VANGL1: variants seen among roughly 807,000 people sequenced by gnomAD.
VANGL1 encodes the protein VANGL planar cell polarity protein 1, also known as vang-like protein 1.
A neutral mutation model predicts 48.4 loss-of-function variants in VANGL1; 18 were observed. The observed-to-expected ratio is 0.37, with a 90% CI of 0.26 to 0.55. VANGL1 has a LOEUF of 0.55. Ranked by LOEUF, VANGL1 falls within the 20% of genes least tolerant of loss-of-function variation. The pLI is 0.81. For synonymous variants in VANGL1, 257 were observed against 261.8 expected (o/e 0.98, Z 0.18); for missense variants, 667 against 675.8 (o/e 0.99, Z 0.14).
intron 7 of VANGL1, among the ~76,000 whole-genome samples, chr1:115,690,668 A>G (rs948661745): frequency 8.5e-5 from 13 of 152,240 alleles, no homozygotes; most frequent in African/African-American, 2.9e-4. Context: ...GTTCTTATTC[A>G]TGCAAGTATA....
chr1:115,684,997 T>C (rs577425844), intron 6 of VANGL1, among the ~76,000 whole-genome samples: 11 of 152,310 alleles, frequency 7.2e-5, no homozygotes, highest in Non-Finnish European at 1.5e-4. Flanking sequence ...AAAAAAGGAC[T>C]AGTGCATTTC....
At chr1:115,669,605 A>G (rs1214650963) in intron 4 of VANGL1, among the ~76,000 whole-genome samples, 1 of 148,746 alleles carries the variant, frequency 6.7e-6, no homozygotes, top group Non-Finnish European at 1.5e-5. Flanking sequence ...GAAACCTTAT[A>G]AAAGGTGGCT....
intron 7 of VANGL1, among the ~76,000 whole-genome samples, chr1:115,687,705 CTGTGTGTGTGTGTGTGTGTGTGTG>C (rs56094677): frequency 8.9e-6 from 1 of 112,796 alleles, no homozygotes; most frequent in Admixed American, 9.6e-5. Flanking sequence ...CTCTCTTTCT[CTGTGTGTGTGTGTGTGTGTGTGTG>C]TGTGTGTGTG....
chr1:115,681,866 C>T (rs564070087), intron 4 of VANGL1, among the ~76,000 whole-genome samples: 7 of 152,230 alleles, frequency 4.6e-5, no homozygotes, highest in African/African-American at 7.2e-5. Flanking sequence ...CTGTATAAAA[C>T]CTAAGTTCCA....
At chr1:115,671,252 G>C (rs1408219125) in intron 4 of VANGL1, 1 of 152,442 alleles carries the variant, frequency 6.6e-6, no homozygotes, top group East Asian at 1.9e-4. Context: ...TCTTGCTGCA[G>C]GCCAGGTCCC....
rs771399036 is a variant in VANGL1 at position 115,697,803 on chromosome 1, G to A, written c.*6424G>A. ...AAAAATGTGGTCAGGGACCTTTTTT[G>A]TTCTTTCTGATTAGTTAATACTGTA... On this transcript the variant is annotated 3_prime_UTR_variant, in exon 8 of 8. Coordinates refer to ENST00000355485, the MANE Select transcript of VANGL1 (RefSeq NM_138959.3). 10 of 152,110 alleles carry A rather than the reference G, an allele frequency of 6.6e-5. No homozygotes were observed. Among genetic ancestry groups the A allele is most frequent in the Admixed American group, 1.3e-4 (2 of 15,284 alleles). The allele number at this position is 152,110 out of a possible 1,614,324, so 9.4% of individuals were successfully genotyped here. A position where few individuals can be genotyped will look rare whatever the true frequency, so the allele number is the denominator to read the frequency against.
chr1:115,680,997 C>T lies in VANGL1; in HGVS notation c.813-1367C>T, dbSNP rs184744064. Among the ~76,000 whole-genome samples the T allele has an allele frequency of 7.2e-4, 109 of 152,324 alleles. 1 individual carries two copies. The East Asian group carries it at 0.017, about 24-fold the overall frequency. The stretch of plus-strand genomic sequence containing the variant: ...ATGGTGGTGGTTGGAGATGTCAGCA[C>T]GTACGCTGTTACACAGAGTCCGCAT... On this transcript the variant is annotated intron_variant, in intron 4 of 7. Transcript: ENST00000355485.
In VANGL1 at chr1:115,687,642, T is replaced by TA. The variant is rs1393844172; in HGVS notation, c.1314+2116dup. 7.3e-5 allele frequency among the ~76,000 whole-genome samples: 10 copies of TA among 137,612 alleles called. 1 individual carries two copies. 90.3% of individuals were successfully genotyped at this position (137,612 alleles called of 152,430 possible). A position where few individuals can be genotyped will look rare whatever the true frequency, so the allele number is the denominator to read the frequency against. ...TGGTATATATTCTTTCAAATATATG[T>TA]AGATGTTTTTTAAGCTGAAATGGGA... is the stretch of plus-strand genomic sequence containing the variant. On this transcript the variant is annotated intron_variant, in intron 7 of 7. Coordinates refer to ENST00000355485, the MANE Select transcript of VANGL1 (RefSeq NM_138959.3).
At chr1:115,669,067 A>C (rs1171616396) in intron 4 of VANGL1, among the ~76,000 whole-genome samples, 2 of 152,188 alleles carry the variant, frequency 1.3e-5, no homozygotes, top group South Asian at 4.1e-4. Flanking sequence ...ATATAGTTCT[A>C]ACAAATTTAA....
At chr1:115,644,286 G>A (rs1420908844) in intron 1 of VANGL1, among the ~76,000 whole-genome samples, 1 of 152,148 alleles carries the variant, frequency 6.6e-6, no homozygotes, top group Admixed American at 6.5e-5. Context: ...CACTTGTTAT[G>A]CGGATTAAGT....
At chr1:115,646,065 CTG>C in intron 1 of VANGL1, among the ~76,000 whole-genome samples, 1 of 152,270 alleles carries the variant, frequency 6.6e-6, no homozygotes, top group East Asian at 1.9e-4. Context: ...TTGCTAAACA[CTG>C]TGTTTTCATA....
At chr1:115,687,255 A>G (rs1457092268) in intron 7 of VANGL1, among the ~76,000 whole-genome samples, 1 of 139,340 alleles carries the variant, frequency 7.2e-6, no homozygotes, top group African/African-American at 2.7e-5. Flanking sequence ...AATTTAAAAC[A>G]TAACAGTGGC....
chr1:115,662,819 C>G (rs1652612827), intron 3 of VANGL1, among the ~76,000 whole-genome samples: 1 of 148,330 alleles, frequency 6.7e-6, no homozygotes, highest in African/African-American at 2.5e-5. Context: ...CGGAGTCTCA[C>G]TCTGTAGCCC....
At chr1:115,668,283 C>T (rs1652864215) in intron 4 of VANGL1, among the ~76,000 whole-genome samples, 1 of 152,226 alleles carries the variant, frequency 6.6e-6, no homozygotes. Flanking sequence ...GAGTGTTTCC[C>T]ATGTGCCAGC....
In VANGL1 at chr1:115,688,585, AG is replaced by A. The variant is rs1158426439; in HGVS notation, c.1315-2533del. On this transcript the variant is annotated intron_variant, in intron 7 of 7. Transcript: ENST00000355485. ...TTTGTACAAGTATTTCTGAAGCCTA[AG>A]TTTCAAGTAGAGGAAAAGCCAGGTC... Among the ~76,000 whole-genome samples the A allele has an allele frequency of 3.6e-5, 5 of 137,950 alleles. 1 individual carries two copies. The highest frequency in any genetic ancestry group is 6.3e-5 in the Non-Finnish European group (4 of 63,316). The allele number at this position is 137,950 out of a possible 152,430, so 90.5% of individuals were successfully genotyped here. A position where few individuals can be genotyped will look rare whatever the true frequency, so the allele number is the denominator to read the frequency against.
Position 115,690,105 on chromosome 1 carries a change from TC to T in VANGL1, c.1315-1012del, listed in dbSNP as rs1200202588. 1.5e-5 allele frequency among the ~76,000 whole-genome samples: 2 copies of T among 134,730 alleles called. 1 individual carries two copies. Among genetic ancestry groups the T allele is most frequent in the Admixed American group, 1.5e-4 (2 of 12,950 alleles). The allele number at this position is 134,730 out of a possible 152,430, so 88.4% of individuals were successfully genotyped here. ...TGATTTAATTCGCATGCTGTCAAAC[TC>T]CTAGTATGTGCTAGGCACGTTGGAA... On this transcript the variant is annotated intron_variant, in intron 7 of 7. Coordinates refer to ENST00000355485, the MANE Select transcript of VANGL1 (RefSeq NM_138959.3).
chr1:115,684,190 G>A, intron 6 of VANGL1, 114 bp downstream of exon 6: 2 of 1,149,420 alleles, frequency 1.7e-6, no homozygotes, highest in Non-Finnish European at 2.3e-6. Context: ...CCAGGCTGGA[G>A]TGCAGTGGCA....
rs548219238 is a variant in VANGL1, at chr1:115,662,052, A to G, written c.205-1609A>G. ...AGGCACTGTACCACGGTCCACTTCC[A>G]CCAGCAGTGTTGGAGAGTCCTGGCT... is the stretch of plus-strand genomic sequence containing the variant. On this transcript the variant is annotated intron_variant, in intron 3 of 7. Coordinates refer to ENST00000355485, the MANE Select transcript of VANGL1 (RefSeq NM_138959.3). Among the ~76,000 whole-genome samples, 12 of 152,296 alleles carry G rather than the reference A, an allele frequency of 7.9e-5. No homozygotes were observed. The South Asian group carries it at 2.3e-3, about 29-fold the overall frequency.
At chr1:115,687,705 C>CTGTGTGTGTGTGTG (rs56094677) in intron 7 of VANGL1, among the ~76,000 whole-genome samples, 6 of 112,796 alleles carry the variant, frequency 5.3e-5, no homozygotes, top group Non-Finnish European at 7.3e-5. Flanking sequence ...CTCTCTTTCT[C>CTGTGTGTGTGTGTG]TGTGTGTGTG....
Sources: gnomAD v4.1 joint callset for allele counts (sites outside exome capture counted in the v4.1 genomes callset) on GRCh38, gnomAD v4.1.1 for gene constraint, MANE v1.5 for transcripts, NCBI Gene and HGNC (gene_info 2026-07-23, HGNC 2026-07-21) for gene names.